Variants in CRACD observed in about 807,000 individuals in gnomAD.
CRACD encodes capping protein-inhibiting regulator of actin dynamics.
A neutral mutation model predicts 106.8 loss-of-function variants in CRACD; 56 were observed. The ratio of observed to expected loss-of-function variants is 0.52; its 90% confidence interval spans 0.42 to 0.66. The LOEUF (loss-of-function observed/expected upper bound fraction) is 0.66, where lower values mean the gene tolerates loss of function less well. Ranked by LOEUF, CRACD falls within the 30% of genes least tolerant of loss-of-function variation. The pLI is 0.00. For synonymous variants in CRACD, 754 were observed against 670.8 expected (o/e 1.12, Z -1.92); for missense variants, 1,730 against 1,623.2 (o/e 1.07, Z -1.13).
Position 56,199,403 on chromosome 4 carries a change from C to A in CRACD, c.-189+19973C>A, listed in dbSNP as rs143639095. ...GAGTAACAGACTTAAAGAGAACCTG[C>A]CTGGGCGCAGTGGCTCATGCCTGTA... On this transcript the variant is annotated intron_variant, in intron 2 of 10. Coordinates refer to ENST00000682029, the MANE Select transcript of CRACD (RefSeq NM_001393381.1). 3.3e-4 allele frequency among the ~76,000 whole-genome samples: 50 copies of A among 152,052 alleles called. 3 individuals are homozygous for A. In the East Asian group the frequency reaches 9.7e-3, roughly 29 times the overall value.
At chr4:56,303,936 C>T (rs1230884821) in intron 4 of CRACD, among the ~76,000 whole-genome samples, 1 of 152,222 alleles carries the variant, frequency 6.6e-6, no homozygotes, top group Non-Finnish European at 1.5e-5. Flanking sequence ...CAGCCACCAG[C>T]CTGAGTTTGT....
chr4:56,108,267 A>G (rs540876251), intron 1 of CRACD, among the ~76,000 whole-genome samples: 22 of 152,346 alleles, frequency 1.4e-4, no homozygotes, highest in South Asian at 6.2e-4. Context: ...CACCACCGGT[A>G]TAATCCTGTA....
chr4:56,051,563 C>T (rs896402644), intron 1 of CRACD, among the ~76,000 whole-genome samples: 4 of 152,064 alleles, frequency 2.6e-5, no homozygotes, highest in East Asian at 1.9e-4. Context: ...CCAGACATGG[C>T]GAGATTAAAT....
intron 2 of CRACD, among the ~76,000 whole-genome samples, chr4:56,193,061 A>T (rs1704357521): frequency 6.6e-6 from 1 of 152,090 alleles, no homozygotes; most frequent in South Asian, 2.1e-4. Flanking sequence ...GGTATAATGG[A>T]CTCACAGTTC....
intron 1 of CRACD, among the ~76,000 whole-genome samples, chr4:56,116,037 G>C (rs10003906): frequency 1.3e-5 from 2 of 152,034 alleles, no homozygotes; most frequent in Admixed American, 1.3e-4. Flanking sequence ...CTCTGCCTGC[G>C]CTCTTAAATA....
At chr4:56,057,463 G>A (rs948379541) in intron 1 of CRACD, among the ~76,000 whole-genome samples, 1 of 152,180 alleles carries the variant, frequency 6.6e-6, no homozygotes, top group African/African-American at 2.4e-5. Context: ...TATTTATAAT[G>A]TAGATGTTTA....
chr4:56,102,848 TC>T (rs1560451396), intron 1 of CRACD, among the ~76,000 whole-genome samples: 1 of 152,360 alleles, frequency 6.6e-6, no homozygotes, highest in East Asian at 1.9e-4. Context: ...ACTGACGTTC[TC>T]TCTGTCTGAG....
At chr4:56,065,147 A>T (rs898148981) in intron 1 of CRACD, among the ~76,000 whole-genome samples, 2 of 151,570 alleles carry the variant, frequency 1.3e-5, no homozygotes, top group Non-Finnish European at 2.9e-5. Flanking sequence ...TAGTGCAATG[A>T]CATGATCTCA....
chr4:56,260,882 T>TATCC (rs11276099), intron 2 of CRACD, among the ~76,000 whole-genome samples: 38,033 of 149,768 alleles, frequency 0.25, 4,959 homozygotes, highest in African/African-American at 0.27. Context: ...TCTGTCTGTG[T>TATCC]ATCCATCCAT....
intron 3 of CRACD, among the ~76,000 whole-genome samples, chr4:56,278,898 A>T (rs1742834696): frequency 6.6e-6 from 1 of 152,190 alleles, no homozygotes; most frequent in African/African-American, 2.4e-5. Flanking sequence ...CTTGCTCAAC[A>T]TCATTAGCCA....
intron 1 of CRACD, among the ~76,000 whole-genome samples, chr4:56,166,983 G>A (rs923699412): frequency 6.6e-6 from 1 of 152,148 alleles, no homozygotes; most frequent in African/African-American, 2.4e-5. Flanking sequence ...ACAGGCACCT[G>A]AGGTGATTCT....
chr4:56,089,587 C>T (rs1228879078), intron 1 of CRACD, among the ~76,000 whole-genome samples: 1 of 149,606 alleles, frequency 6.7e-6, no homozygotes, highest in African/African-American at 2.5e-5. Flanking sequence ...GACCTCAGCT[C>T]ACCGCAACCT....
intron 1 of CRACD, among the ~76,000 whole-genome samples, chr4:56,085,013 T>A (rs141484460): frequency 3.7e-4 from 56 of 152,352 alleles, no homozygotes; most frequent in African/African-American, 1.3e-3. Flanking sequence ...TTGAGATGTC[T>A]GTGGGTTGCC....
At position 56,150,626 on chromosome 4, in the gene CRACD, A is replaced by G. The variant is rs1040179952; in HGVS notation, c.-335-28658A>G. Among the ~76,000 whole-genome samples the G allele has an allele frequency of 7.2e-5, 11 of 152,310 alleles. No individual in the cohort carries two copies. The East Asian group carries it at 7.7e-4, about 11-fold the overall frequency. ...ACCTTAAAGTATTACCAGCTAAACA[A>G]TATAGTTTTGAACTTTATTAAATGG... On this transcript the variant is annotated intron_variant, in intron 1 of 10. Transcript: ENST00000682029.
chr4:56,193,064 CACAGTT>C (rs1737452122), intron 2 of CRACD, among the ~76,000 whole-genome samples: 1 of 152,160 alleles, frequency 6.6e-6, no homozygotes, highest in African/African-American at 2.4e-5. Context: ...ATAATGGACT[CACAGTT>C]CCACTTGGCT....
rs77033180 is a variant in CRACD at position 56,135,387 on chromosome 4, T to A, written c.-335-43897T>A. 3.5e-3 allele frequency among the ~76,000 whole-genome samples: 532 copies of A among 152,328 alleles called. 3 individuals are homozygous for A. Among genetic ancestry groups the A allele is most frequent in the African/African-American group, 0.012 (508 of 41,572 alleles). On this transcript the variant is annotated intron_variant, in intron 1 of 10. Coordinates refer to ENST00000682029, the MANE Select transcript of CRACD (RefSeq NM_001393381.1). ...CAGTGCATTATTTGATGAAGATAGG[T>A]TGACTTTGGGATTTCCAAAGCAATT...
At chr4:56,092,571 T>C (rs576133636) in intron 1 of CRACD, among the ~76,000 whole-genome samples, 44 of 152,292 alleles carry the variant, frequency 2.9e-4, no homozygotes, top group Non-Finnish European at 5.0e-4. Flanking sequence ...CAAAATACAT[T>C]TCACTGGCTT....
At chr4:56,127,061 G>A in intron 1 of CRACD, among the ~76,000 whole-genome samples, 1 of 152,194 alleles carries the variant, frequency 6.6e-6, no homozygotes. Context: ...GAACTTGGGA[G>A]GCGGAGCCCT....
intron 1 of CRACD, among the ~76,000 whole-genome samples, chr4:56,113,024 G>A (rs181074131): frequency 4.2e-4 from 64 of 152,116 alleles, no homozygotes; most frequent in African/African-American, 1.1e-3. Flanking sequence ...AGGCCTAACC[G>A]TCTATCTGTT....
Sources: allele counts gnomAD v4.1 joint callset (sites outside exome capture counted in the v4.1 genomes callset), GRCh38; gene constraint gnomAD v4.1.1; transcripts MANE v1.5; gene names NCBI Gene and HGNC (gene_info 2026-07-23, HGNC 2026-07-21).